The following ITIH1 variants were observed in gnomAD, a reference collection of about 807,000 sequenced individuals.
ITIH1 encodes the protein inter-alpha-trypsin inhibitor heavy chain H1.
A neutral mutation model predicts 104.6 loss-of-function variants in ITIH1; 94 were observed. The observed-to-expected ratio is 0.90, with a 90% CI of 0.76 to 1.07. The LOEUF is 1.07. ITIH1 is among the 50% of genes least tolerant of loss of function. ITIH1 has a pLI of 0.00. For missense variants in ITIH1, 1,193 were observed against 1,181.4 expected, an observed-to-expected ratio of 1.01 and a Z score of -0.14; for synonymous variants, 455 against 464.4, an observed-to-expected ratio of 0.98 and a Z score of 0.26.
At position 52,780,380 on chromosome 3, in the gene ITIH1, A is replaced by T; in HGVS notation, c.685A>T (p.Lys229Ter). 6.2e-7 allele frequency: 1 copy of T among 1,610,840 alleles called. No homozygotes were observed. The highest frequency in any genetic ancestry group is 2.2e-5 in the East Asian group (1 of 44,854). ...QTIKKSFSGK[K>*]GHVLFRPTVS... is the part of the protein sequence containing the mutation. ...TATCAAGAAGTCCTTCTCAGGAAAA[A>T]AGGTACATGGGATAGCAAGGGGGTG... The change falls in exon 6 of 22, where the codon AAG becomes TAG. Residue 229 changes from lysine (K) to a stop codon, truncating the protein, a stop_gained and splice_region_variant. Transcript: ENST00000273283. LOFTEE classifies it high-confidence loss of function.
At position 52,786,441 on chromosome 3, in the gene ITIH1, C is replaced by T. The variant is rs1364137735; in HGVS notation, c.1733+7C>T. On this transcript the variant is annotated splice_region_variant and intron_variant, in intron 13 of 21. Coordinates refer to ENST00000273283, the MANE Select transcript of ITIH1 (RefSeq NM_002215.4). ...AGGAGCTGCTGGCCAAGCGGTAGGG[C>T]ACCTGCAGCTGCCCCAGGTGGGCAC... 6.4e-7 allele frequency: 1 copy of T among 1,572,298 alleles called. No homozygotes were observed. Among genetic ancestry groups the T allele is most frequent in the Non-Finnish European group, 8.6e-7 (1 of 1,158,654 alleles).
At position 52,782,228 on chromosome 3, in the gene ITIH1, T is replaced by C. The variant is rs1255868283; in HGVS notation, c.891T>C (p.Ile297=). ...TGAACAAGAACGTGGTTTTTGTGAT[T>C]GACATCAGTGGCTCCATGAGAGGCC... ...TNMNKNVVFV[I]DISGSMRGQK... is the part of the protein sequence containing the mutation. The change falls in exon 8 of 22, where the codon ATT becomes ATC. Residue 297 remains isoleucine, a synonymous_variant. Transcript: ENST00000273283. 6.2e-7 allele frequency: 1 copy of C among 1,614,046 alleles called. No homozygotes were observed. Among genetic ancestry groups the C allele is most frequent in the Non-Finnish European group, 8.5e-7 (1 of 1,180,040 alleles).
At chr3:52,791,212 A>G (rs974015310) in intron 20 of ITIH1, among the ~76,000 whole-genome samples, 3 of 152,038 alleles carry the variant, frequency 2.0e-5, no homozygotes, top group African/African-American at 7.3e-5. Context: ...TGGGTCACTG[A>G]CCACACTGCT....
At chr3:52,790,298 CTG>C in intron 19 of ITIH1, 1 of 269,342 alleles carries the variant, frequency 3.7e-6, no homozygotes, top group South Asian at 4.8e-5. Flanking sequence ...ATTCAACAAA[CTG>C]TGCCAAGCAC....
intron 1 of ITIH1, 37 bp downstream of exon 1, chr3:52,777,769 T>C: frequency 6.5e-7 from 1 of 1,528,146 alleles, no homozygotes; most frequent in Non-Finnish European, 8.9e-7. Context: ...AATAGGCAGC[T>C]GAACCTGGAT....
chr3:52,778,872 G>A, intron 3 of ITIH1, 70 bp from the exon 4 acceptor site: 1 of 1,210,374 alleles, frequency 8.3e-7, no homozygotes, highest in Non-Finnish European at 1.2e-6. Context: ...GGCTCACATG[G>A]ACAGGCCCTC....
chr3:52,777,844 A>G, intron 1 of ITIH1, 112 bp downstream of exon 1: 1 of 1,325,374 alleles, frequency 7.5e-7, no homozygotes, highest in Middle Eastern at 2.2e-4. Context: ...CACCTCCACC[A>G]CTTCTGAGTG....
chr3:52,779,877 G>A lies in ITIH1; in HGVS notation c.573+283G>A. ...GATCACGAGAAGTACTGAATGTCCA[G>A]GTAATTTTGTAAACTAGAAAGTCCC... On this transcript the variant is annotated intron_variant, in intron 5 of 21. Transcript: ENST00000273283. The surrounding 1 kb of genome is among the most constrained non-coding windows in gnomAD (Gnocchi z 4.4). 7.2e-7 allele frequency: 1 copy of A among 1,389,098 alleles called. No individual in the cohort carries two copies. Among genetic ancestry groups the A allele is most frequent in the Non-Finnish European group, 9.3e-7 (1 of 1,070,646 alleles). The allele number at this position is 1,389,098 out of a possible 1,614,324, so 86.0% of individuals were successfully genotyped here.
At chr3:52,781,169 T>TCCTCCTCCTCCTTCA in intron 6 of ITIH1, among the ~76,000 whole-genome samples, 1 of 150,436 alleles carries the variant, frequency 6.6e-6, no homozygotes, top group African/African-American at 2.5e-5. Flanking sequence ...TCTCTCCTCT[T>TCCTCCTCCTCCTTCA]CCTCCTCCTC....
Position 52,783,237 on chromosome 3 carries a change from CT to C in ITIH1, c.1124del (p.Leu375ProfsTer7). 1 of 1,614,118 alleles carries C rather than the reference CT, an allele frequency of 6.2e-7. No individual in the cohort carries two copies. Among genetic ancestry groups the C allele is most frequent in the Non-Finnish European group, 8.5e-7 (1 of 1,180,014 alleles). ...DEATNLNGGL[L>X]RGIEILNQVQ... Reference sequence around the variant, plus strand: ...AGCCACAAACCTGAATGGAGGTTTGCTCCGGGGAATTGAGATCTTGAACCAA... The same window carrying C: ...AGCCACAAACCTGAATGGAGGTTTGCCCGGGGAATTGAGATCTTGAACCAA... On this transcript the variant is annotated frameshift_variant, in exon 10 of 22. Coordinates refer to ENST00000273283, the MANE Select transcript of ITIH1 (RefSeq NM_002215.4). LOFTEE classifies it high-confidence loss of function.
chr3:52,788,068 T>A lies in ITIH1; in HGVS notation c.2005+2T>A, dbSNP rs112831903. On this transcript the variant is annotated splice_donor_variant, in intron 17 of 21. Coordinates refer to ENST00000273283, the MANE Select transcript of ITIH1 (RefSeq NM_002215.4). LOFTEE classifies it high-confidence loss of function. ...GGCTGCCAGACCGAGTGACCGGCGGTGAGTCCTTGGAAGGGTCTGAGGGAC... is the reference window on the plus strand; with the variant it reads ...GGCTGCCAGACCGAGTGACCGGCGGAGAGTCCTTGGAAGGGTCTGAGGGAC... The A allele has an allele frequency of 6.2e-7, 1 of 1,600,482 alleles. No individual in the cohort carries two copies. The highest frequency in any genetic ancestry group is 8.5e-7 in the Non-Finnish European group (1 of 1,172,746).
chr3:52,780,340 A>C lies in ITIH1; in HGVS notation c.645A>C (p.Glu215Asp), dbSNP rs1699002605. 6.2e-7 allele frequency: 1 copy of C among 1,614,122 alleles called. No homozygotes were observed. Among genetic ancestry groups the C allele is most frequent in the African/African-American group, 1.3e-5 (1 of 75,048 alleles). Residue 215 changes from glutamate (E) to aspartate (D), a missense_variant, in exon 6 of 22, where the codon GAA becomes GAC. Glu to Asp is a conservative substitution (Grantham distance 45, BLOSUM62 2). Transcript: ENST00000273283. ...CCCAGGCCTCTTTCCTGCCGAAGGA[A>C]CTGGCAGCCCAAACTATCAAGAAGT... The part of the protein sequence containing the change: ...LDAQASFLPK[E>D]LAAQTIKKSF...
Position 52,784,336 on chromosome 3 carries a change from C to T in ITIH1, c.1266C>T (p.Asn422=), listed in dbSNP as rs770488693. The T allele has an allele frequency of 3.0e-5, 49 of 1,613,970 alleles. No individual in the cohort carries two copies. The African/African-American group carries it at 4.1e-4, about 14-fold the overall frequency. ...DRSQILKNVR[N]AIRGRFPLYN... ...CCCAAATCCTCAAGAACGTCCGCAACGCCATCCGGGGCAGGTTCCCGCTCT... is the reference window on the plus strand; with the variant it reads ...CCCAAATCCTCAAGAACGTCCGCAATGCCATCCGGGGCAGGTTCCCGCTCT... The change falls in exon 11 of 22, where the codon AAC becomes AAT. Residue 422 remains asparagine, a synonymous_variant. Transcript: ENST00000273283.
chr3:52,791,587 T>C lies in ITIH1; in HGVS notation c.2565T>C (p.Asp855=). The C allele has an allele frequency of 6.2e-7, 1 of 1,614,122 alleles. No homozygotes were observed. Among genetic ancestry groups the C allele is most frequent in the Non-Finnish European group, 8.5e-7 (1 of 1,180,020 alleles). The change falls in exon 21 of 22, where the codon GAT becomes GAC. Residue 855 remains aspartate (D), a synonymous_variant. Coordinates refer to ENST00000273283, the MANE Select transcript of ITIH1 (RefSeq NM_002215.4). ...CAGGCTCTGACCCCACAAAGCCAGA[T>C]GCCACGATGGTGGTGAGGAACCGCC... ...IHPGSDPTKP[D]ATMVVRNRRL...
At chr3:52,788,167 C>T in intron 17 of ITIH1, 65 bp from the exon 18 acceptor site, 1 of 1,521,584 alleles carries the variant, frequency 6.6e-7, no homozygotes, top group Non-Finnish European at 9.1e-7. Flanking sequence ...CTAGCTGAAC[C>T]CCAACCCCTG....
chr3:52,783,613 G>A (rs528847112), intron 10 of ITIH1, among the ~76,000 whole-genome samples: 2 of 152,296 alleles, frequency 1.3e-5, no homozygotes, highest in South Asian at 4.1e-4. Context: ...CCATGCTTCT[G>A]TTCACAGTTT....
chr3:52,777,992 T>C lies in ITIH1; in HGVS notation c.118-5T>C. On this transcript the variant is annotated splice_region_variant and splice_polypyrimidine_tract_variant and intron_variant, in intron 1 of 21. Transcript: ENST00000273283. ...CTCACACTTGACCCTGATTTTGTTT[T>C]GCAGAAGCGACAGGCTGTGGACACC... The C allele has an allele frequency of 6.2e-7, 1 of 1,614,190 alleles. No individual in the cohort carries two copies. The highest frequency in any genetic ancestry group is 8.5e-7 in the Non-Finnish European group (1 of 1,180,040).
Position 52,784,430 on chromosome 3 carries a change from C to A in ITIH1, c.1360C>A (p.Arg454=). ...LEVMSMENNG[R]AQRIYEDHDA... ...GGTCATGTCCATGGAGAACAACGGA[C>A]GGGCCCAGAGAATCTACGAGGACCA... is the stretch of plus-strand genomic sequence containing the variant. The change falls in exon 11 of 22, where the codon CGG becomes AGG. Residue 454 remains arginine, a synonymous_variant. Coordinates refer to ENST00000273283, the MANE Select transcript of ITIH1 (RefSeq NM_002215.4). 1.2e-6 allele frequency: 2 copies of A among 1,614,150 alleles called. No individual in the cohort carries two copies. Among genetic ancestry groups the A allele is most frequent in the Non-Finnish European group, 1.7e-6 (2 of 1,179,994 alleles).
At chr3:52,787,464 C>T (rs932603136) in intron 15 of ITIH1, 128 bp from the exon 16 acceptor site, 51 of 1,174,680 alleles carry the variant, frequency 4.3e-5, no homozygotes, top group Non-Finnish European at 6.2e-5. Context: ...GAGGCAGGAC[C>T]CCAGGGGAGG....
Sources: allele counts gnomAD v4.1 joint callset (sites outside exome capture counted in the v4.1 genomes callset), GRCh38; gene constraint gnomAD v4.1.1; non-coding constraint Gnocchi (gnomAD v3.1); transcripts MANE v1.5; gene names NCBI Gene and HGNC (gene_info 2026-07-23, HGNC 2026-07-21).